Variants in SLC24A2 observed in about 807,000 individuals in gnomAD.
The protein encoded by SLC24A2 is solute carrier family 24 member 2, also known as sodium/potassium/calcium exchanger 2.
SLC24A2 carries 36 observed loss-of-function variants against 62.0 expected under a neutral mutation model. That is an observed-to-expected ratio of 0.58 (90% CI 0.44 to 0.77). SLC24A2 has a LOEUF of 0.77. SLC24A2 is among the 30% of genes least tolerant of loss of function. SLC24A2 has a pLI of 0.00. For missense variants in SLC24A2, 846 were observed against 817.9 expected, an observed-to-expected ratio of 1.03 and a Z score of -0.42; for synonymous variants, 358 against 294.0, an observed-to-expected ratio of 1.22 and a Z score of -2.23.
At chr9:19,542,002 G>A (rs954114468) in intron 8 of SLC24A2, among the ~76,000 whole-genome samples, 3 of 152,154 alleles carry the variant, frequency 2.0e-5, no homozygotes, top group East Asian at 1.9e-4. Flanking sequence ...TCTTTGACTC[G>A]GAAAGGGAAC....
At chr9:20,225,379 C>G in the SLC24A2 span, among the ~76,000 whole-genome samples, 1 of 150,292 alleles carries the variant, frequency 6.7e-6, no homozygotes, top group African/African-American at 2.5e-5. Context: ...ATCCTACTCT[C>G]ATAACTACTT....
intron 8 of SLC24A2, among the ~76,000 whole-genome samples, chr9:19,545,258 C>G (rs1834493064): frequency 6.6e-6 from 1 of 151,870 alleles, no homozygotes; most frequent in African/African-American, 2.4e-5. Context: ...AATTCTCATG[C>G]TGTGTTTTTC....
chr9:20,134,284 A>G, the SLC24A2 span, among the ~76,000 whole-genome samples: 1 of 152,200 alleles, frequency 6.6e-6, no homozygotes, highest in Non-Finnish European at 1.5e-5. Flanking sequence ...TCGAAGAAGA[A>G]ATACATATAA....
chr9:20,304,885 G>A, the SLC24A2 span, among the ~76,000 whole-genome samples: 1 of 151,242 alleles, frequency 6.6e-6, no homozygotes, highest in African/African-American at 2.4e-5. Flanking sequence ...GAGCTCACCT[G>A]GGTCACGACA....
At chr9:20,005,865 T>TAA in the SLC24A2 span, among the ~76,000 whole-genome samples, 27 of 140,756 alleles carry the variant, frequency 1.9e-4, no homozygotes, top group Admixed American at 2.1e-4. Context: ...CCTACTCCAT[T>TAA]AAAAAAAAAA....
chr9:19,627,078 G>A (rs995336358), intron 2 of SLC24A2, among the ~76,000 whole-genome samples: 7 of 152,144 alleles, frequency 4.6e-5, no homozygotes, highest in Non-Finnish European at 1.0e-4. Flanking sequence ...ACTGGTTGCT[G>A]GTAATTATCT....
chr9:19,767,921 A>G (rs1822569176), intron 2 of SLC24A2, among the ~76,000 whole-genome samples: 1 of 152,202 alleles, frequency 6.6e-6, no homozygotes, highest in South Asian at 2.1e-4. Context: ...GCACCTGCTA[A>G]GAGTCTTCTT....
At chr9:20,043,844 G>A in the SLC24A2 span, among the ~76,000 whole-genome samples, 1 of 152,160 alleles carries the variant, frequency 6.6e-6, no homozygotes, top group African/African-American at 2.4e-5. Context: ...ATAAAGCAGT[G>A]GCAGGGTTTT....
the SLC24A2 span, among the ~76,000 whole-genome samples, chr9:20,119,054 A>C: frequency 6.6e-6 from 1 of 152,300 alleles, no homozygotes; most frequent in South Asian, 2.1e-4. Flanking sequence ...GGTTTTAAAG[A>C]AATGAACGCA....
intron 2 of SLC24A2, among the ~76,000 whole-genome samples, chr9:19,677,241 C>G (rs1041865203): frequency 3.9e-5 from 6 of 152,194 alleles, no homozygotes; most frequent in African/African-American, 1.4e-4. Context: ...ATGGAATACT[C>G]TGCAGTCGTA....
chr9:19,522,515 A>C (rs536188473), intron 9 of SLC24A2, among the ~76,000 whole-genome samples: 1 of 152,180 alleles, frequency 6.6e-6, no homozygotes, highest in Non-Finnish European at 1.5e-5. Context: ...AAAAATTCTT[A>C]TTTTTATAAG....
At chr9:19,637,990 A>G (rs1003566289) in intron 2 of SLC24A2, among the ~76,000 whole-genome samples, 1 of 152,238 alleles carries the variant, frequency 6.6e-6, no homozygotes, top group Non-Finnish European at 1.5e-5. Context: ...AGAAATCAAT[A>G]GCACTTAGCA....
At chr9:19,935,589 C>T in the SLC24A2 span, among the ~76,000 whole-genome samples, 1 of 152,152 alleles carries the variant, frequency 6.6e-6, no homozygotes, top group Non-Finnish European at 1.5e-5. Flanking sequence ...GATTAGCAGC[C>T]CTTGTGTGTG....
At chr9:19,771,894 G>A (rs1340610627) in intron 2 of SLC24A2, among the ~76,000 whole-genome samples, 1 of 152,130 alleles carries the variant, frequency 6.6e-6, no homozygotes, top group Non-Finnish European at 1.5e-5. Context: ...CTAGGGCATG[G>A]AATGGGAGGA....
intron 7 of SLC24A2, among the ~76,000 whole-genome samples, chr9:19,553,618 G>A (rs1254259399): frequency 6.6e-6 from 1 of 152,176 alleles, no homozygotes; most frequent in African/African-American, 2.4e-5. Context: ...AGTCAGTGCA[G>A]CATGCTGGGC....
intron 2 of SLC24A2, among the ~76,000 whole-genome samples, chr9:19,743,224 T>C (rs1468237936): frequency 6.6e-6 from 1 of 152,188 alleles, no homozygotes; most frequent in African/African-American, 2.4e-5. Context: ...TACGGCTGAG[T>C]TGGACAACTA....
intron 4 of SLC24A2, among the ~76,000 whole-genome samples, chr9:19,605,554 ACC>A (rs1563993687): frequency 1.3e-5 from 2 of 152,240 alleles, no homozygotes; most frequent in Admixed American, 6.5e-5. Context: ...AGATAGGTAT[ACC>A]AGGACCTGAA....
At chr9:19,800,110 CA>C in the SLC24A2 span, among the ~76,000 whole-genome samples, 1 of 152,018 alleles carries the variant, frequency 6.6e-6, no homozygotes, top group Admixed American at 6.5e-5. Context: ...AGACACCAGT[CA>C]TTGGATTTAG....
the SLC24A2 span, among the ~76,000 whole-genome samples, chr9:20,122,409 G>A: frequency 6.6e-6 from 1 of 152,168 alleles, no homozygotes. Context: ...TTTTTAGGCA[G>A]GGCACGGTGG....
Sources: allele counts gnomAD v4.1 joint callset (sites outside exome capture counted in the v4.1 genomes callset), GRCh38; gene constraint gnomAD v4.1.1; transcripts MANE v1.5; gene names NCBI Gene and HGNC (gene_info 2026-07-23, HGNC 2026-07-21).